The following MGAM variants were observed in gnomAD, a reference collection of about 807,000 sequenced individuals.
MGAM encodes maltase-glucoamylase.
A neutral mutation model predicts 358.8 loss-of-function variants in MGAM; 253 were observed. That is an observed-to-expected ratio of 0.71 (90% CI 0.64 to 0.78). MGAM has a LOEUF of 0.78. Ranked by LOEUF, MGAM falls within the 30% of genes least tolerant of loss-of-function variation. The pLI is 0.00. For missense variants in MGAM, 3,080 were observed against 3,432.6 expected, an observed-to-expected ratio of 0.90 and a Z score of 2.57; for synonymous variants, 1,105 against 1,227.1, an observed-to-expected ratio of 0.90 and a Z score of 2.08.
At chr7:141,998,370 T>G (rs955178445) in intron 1 of MGAM, among the ~76,000 whole-genome samples, 3 of 152,132 alleles carry the variant, frequency 2.0e-5, no homozygotes, top group Admixed American at 1.3e-4. Context: ...AAGCCCCACA[T>G]GCATTAGGTA....
Position 142,061,935 on chromosome 7 carries a change from A to G in MGAM, c.4123-633A>G, listed in dbSNP as rs545450010. On this transcript the variant is annotated intron_variant, in intron 34 of 70. Transcript: ENST00000475668. ...AATGTAGTTAAAAAGTTGTATCTTGAATCTTTCTTTCAGGTTAAGGTAAAA... is the reference window on the plus strand; with the variant it reads ...AATGTAGTTAAAAAGTTGTATCTTGGATCTTTCTTTCAGGTTAAGGTAAAA... Among the ~76,000 whole-genome samples, 6 of 152,294 alleles carry G rather than the reference A, an allele frequency of 3.9e-5. No individual in the cohort carries two copies. In the South Asian group the frequency reaches 8.3e-4, roughly 21 times the overall value.
At chr7:141,992,032 C>T (rs1298894810), upstream of MGAM, among the ~76,000 whole-genome samples, 3 of 152,060 alleles carry the variant, frequency 2.0e-5, no homozygotes, top group African/African-American at 7.2e-5. Context: ...CTGCTATGTT[C>T]GGAATTCTGA....
At chr7:142,089,234 T>C (rs1239488922) in intron 57 of MGAM, among the ~76,000 whole-genome samples, 1 of 145,990 alleles carries the variant, frequency 6.8e-6, no homozygotes, top group Non-Finnish European at 1.5e-5. Flanking sequence ...GGGGCAACAC[T>C]GCCATCCTGA....
chr7:142,055,483 T>C, intron 27 of MGAM, 75 bp from the exon 28 acceptor site: 1 of 1,570,014 alleles, frequency 6.4e-7, no homozygotes, highest in South Asian at 1.1e-5. Flanking sequence ...TGTTCTGTTG[T>C]CCTTGAAAAG....
chr7:142,065,395 T>G lies in MGAM; in HGVS notation c.4545T>G (p.Ser1515=). The G allele has an allele frequency of 6.2e-7, 1 of 1,611,028 alleles. No individual in the cohort carries two copies. The part of the protein sequence containing the change: ...GVVITRSTFP[S]SGRWAGHWLG... ...TCATCACCCGCTCCACATTTCCCTC[T>G]TCTGGCCGCTGGGCAGGACATTGGC... Residue 1515 remains serine, a synonymous_variant, in exon 38 of 71, where the codon TCT becomes TCG. Transcript: ENST00000475668.
At chr7:142,097,822 A>G (rs1816073917) in intron 66 of MGAM, among the ~76,000 whole-genome samples, 173 bp downstream of exon 66, 1 of 152,170 alleles carries the variant, frequency 6.6e-6, no homozygotes, top group African/African-American at 2.4e-5. Flanking sequence ...GTGGAGTAAG[A>G]CCACTTCCCT....
chr7:142,015,669 T>C (rs1343142217), intron 3 of MGAM, among the ~76,000 whole-genome samples: 3 of 152,084 alleles, frequency 2.0e-5, no homozygotes, highest in African/African-American at 7.2e-5. Flanking sequence ...TCCTCTTGAA[T>C]TGTTAGAACC....
chr7:141,988,356 A>C (rs980064610), intron 2 of MGAM, among the ~76,000 whole-genome samples: 3 of 149,372 alleles, frequency 2.0e-5, no homozygotes, highest in African/African-American at 2.4e-5. Flanking sequence ...CACAATGCAA[A>C]GTTGTTGTCG....
At position 142,097,522 on chromosome 7, in the gene MGAM, T is replaced by C. The variant is rs1816035333; in HGVS notation, c.7693-71T>C. On this transcript the variant is annotated intron_variant, in intron 65 of 70. Transcript: ENST00000475668. ...GGCCATCACAATTATTTAACCTCTT[T>C]CCTAAGTATTTTGGTTTCTCTGTCC... 8 of 1,449,218 alleles carry C rather than the reference T, an allele frequency of 5.5e-6. No homozygotes were observed. The East Asian group carries it at 1.8e-4, about 33-fold the overall frequency. 89.8% of individuals were successfully genotyped at this position (1,449,218 alleles called of 1,614,324 possible).
rs371707186 is a variant in MGAM at position 142,064,472 on chromosome 7, C to G, written c.4434C>G (p.His1478Gln). 1 of 1,589,054 alleles carries G rather than the reference C, an allele frequency of 6.3e-7. No individual in the cohort carries two copies. Among genetic ancestry groups the G allele is most frequent in the Non-Finnish European group, 8.6e-7 (1 of 1,167,618 alleles). ...TCCCAGACGGCTCCCTGGTGCAGCACTACAACGTGCACAACCTGTATGGGT... is the reference window on the plus strand; with the variant it reads ...TCCCAGACGGCTCCCTGGTGCAGCAGTACAACGTGCACAACCTGTATGGGT... ...QILPDGSLVQ[H>Q]YNVHNLYGWS... is the part of the protein sequence containing the mutation. The change falls in exon 37 of 71, where the codon CAC becomes CAG. Residue 1478 changes from histidine to glutamine, a missense_variant. His to Gln is a conservative substitution (Grantham distance 24). Around this residue, in one of 5 missense-constraint regions of MGAM, gnomAD observed 1,816 missense variants for 1,840.5 expected, o/e 0.99. Coordinates refer to ENST00000475668, the MANE Select transcript of MGAM (RefSeq NM_001365693.1).
At chr7:142,003,628 C>T (rs1804911518) in intron 1 of MGAM, among the ~76,000 whole-genome samples, 1 of 151,996 alleles carries the variant, frequency 6.6e-6, no homozygotes, top group Non-Finnish European at 1.5e-5. Flanking sequence ...ACTCTCTGGA[C>T]ATTGGCCTAG....
At chr7:142,045,531 A>ATAAT (rs1810136775) in intron 21 of MGAM, among the ~76,000 whole-genome samples, 3 of 84,734 alleles carry the variant, frequency 3.5e-5, no homozygotes, top group African/African-American at 1.6e-4. Context: ...TATATGATAT[A>ATAAT]ATATATATTA....
chr7:142,037,154 G>A (rs1170032814), intron 18 of MGAM, among the ~76,000 whole-genome samples, 177 bp downstream of exon 18: 4 of 152,174 alleles, frequency 2.6e-5, no homozygotes, highest in African/African-American at 2.4e-5. Flanking sequence ...TATCTAACTG[G>A]AATACCTAGT....
At chr7:142,074,212 G>A in intron 45 of MGAM, 39 bp downstream of exon 45, 1 of 1,352,060 alleles carries the variant, frequency 7.4e-7, no homozygotes, top group African/African-American at 1.4e-5. Context: ...TTCCCAACCT[G>A]CGCCTGTGAC....
chr7:142,051,513 G>C (rs1223356725), intron 24 of MGAM, among the ~76,000 whole-genome samples: 1 of 152,106 alleles, frequency 6.6e-6, no homozygotes, highest in Admixed American at 6.5e-5. Flanking sequence ...TTAAAGAAGT[G>C]TCAAGATAAG....
At chr7:142,029,105 A>G (rs1554462202) in intron 10 of MGAM, among the ~76,000 whole-genome samples, 1 of 152,124 alleles carries the variant, frequency 6.6e-6, no homozygotes, top group Non-Finnish European at 1.5e-5. Context: ...TAATCCCAGC[A>G]CTTGGGAAGC....
intron 35 of MGAM, 131 bp downstream of exon 35, chr7:142,062,833 C>G: frequency 6.9e-7 from 1 of 1,458,958 alleles, no homozygotes; most frequent in Non-Finnish European, 9.1e-7. Flanking sequence ...GCAGACACTT[C>G]TTCCTCTCAG....
At chr7:142,073,623 A>G (rs1294991194) in intron 44 of MGAM, among the ~76,000 whole-genome samples, 1 of 146,586 alleles carries the variant, frequency 6.8e-6, no homozygotes, top group Non-Finnish European at 1.5e-5. Flanking sequence ...ACCATTTAGT[A>G]GATGGACCTT....
At chr7:141,997,181 CTAGGT>C (rs1273925851) in intron 1 of MGAM, among the ~76,000 whole-genome samples, 17 of 152,204 alleles carry the variant, frequency 1.1e-4, no homozygotes, top group African/African-American at 4.1e-4. Flanking sequence ...AAGGATACCA[CTAGGT>C]TCTTCATGCA....
Sources: allele counts gnomAD v4.1 joint callset (sites outside exome capture counted in the v4.1 genomes callset), GRCh38; gene constraint gnomAD v4.1.1; regional missense constraint gnomAD v4.1.1; transcripts MANE v1.5; gene names NCBI Gene and HGNC (gene_info 2026-07-23, HGNC 2026-07-21).